CD34: variants seen among roughly 807,000 people sequenced by gnomAD.
CD34 encodes hematopoietic progenitor cell antigen CD34.
A neutral mutation model predicts 40.1 loss-of-function variants in CD34; 34 were observed. The ratio of observed to expected loss-of-function variants is 0.85; its 90% confidence interval spans 0.65 to 1.13. CD34 has a LOEUF of 1.13. CD34 is among the 50% of genes most tolerant of loss of function. The pLI, the probability that CD34 is intolerant of heterozygous loss-of-function variation, is 0.00. For missense variants in CD34, 426 were observed against 466.9 expected (o/e 0.91, Z 0.81); for synonymous variants, 209 against 190.0 (o/e 1.10, Z -0.82).
chr1:207,906,774 G>A (rs1325825714), intron 1 of CD34, among the ~76,000 whole-genome samples: 1 of 151,838 alleles, frequency 6.6e-6, no homozygotes, highest in Non-Finnish European at 1.5e-5. Context: ...AACCTGGGAG[G>A]CAGAGGTTGC....
chr1:207,894,827 G>A (rs928770631), intron 4 of CD34, among the ~76,000 whole-genome samples: 3 of 152,070 alleles, frequency 2.0e-5, no homozygotes, highest in Admixed American at 2.0e-4. Flanking sequence ...AAAAAAAAGA[G>A]TGATTGGGAT....
intron 4 of CD34, 108 bp downstream of exon 4, chr1:207,897,385 G>A (rs781364910): frequency 5.9e-5 from 48 of 809,186 alleles, no homozygotes; most frequent in Admixed American, 1.3e-4. Context: ...AAACTCCCCG[G>A]ACCCCTACTC....
At chr1:207,894,056 C>A (rs1662090908) in intron 4 of CD34, among the ~76,000 whole-genome samples, 2 of 152,102 alleles carry the variant, frequency 1.3e-5, no homozygotes, top group Non-Finnish European at 2.9e-5. Flanking sequence ...TTGGATATAT[C>A]CCCAAAAGGA....
At chr1:207,909,208 A>C (rs1662449372) in intron 1 of CD34, among the ~76,000 whole-genome samples, 1 of 152,154 alleles carries the variant, frequency 6.6e-6, no homozygotes, top group Non-Finnish European at 1.5e-5. Flanking sequence ...AGTTTTGCCA[A>C]GGTTGTGTTG....
Position 207,910,513 on chromosome 1 carries a change from G to T in CD34, c.79+489C>A, listed in dbSNP as rs961538896. 2.0e-4 allele frequency among the ~76,000 whole-genome samples: 31 copies of T among 152,144 alleles called. 1 individual carries two copies. The South Asian group carries it at 5.8e-3, about 29-fold the overall frequency. ...GCCTCATCCCTGATTCGCTTCCCTC[G>T]AATTCCTTAATGTCCACTTCTGGCT... On this transcript the variant is annotated intron_variant, in intron 1 of 7. Coordinates refer to ENST00000310833, the MANE Select transcript of CD34 (RefSeq NM_001025109.2).
chr1:207,889,903 T>C, intron 4 of CD34: 1 of 1,518,230 alleles, frequency 6.6e-7, no homozygotes. Context: ...GCATTGCCCA[T>C]GTACACATAT....
rs1049009381 is a variant in CD34 at position 207,884,781 on chromosome 1, C to A, written c.*2957G>T. 1 of 152,162 alleles carries A rather than the reference C, an allele frequency of 6.6e-6. No individual in the cohort carries two copies. Among genetic ancestry groups the A allele is most frequent in the Non-Finnish European group, 1.5e-5 (1 of 68,054 alleles). 9.4% of individuals were successfully genotyped at this position (152,162 alleles called of 1,614,324 possible). A position where few individuals can be genotyped will look rare whatever the true frequency, so the allele number is the denominator to read the frequency against. Reference sequence around the variant, plus strand: ...GGCTCACTGTGGGCGCCGAAGAAGCCGAACCTCATGGCCTCCTGTGATCTT... The same window carrying A: ...GGCTCACTGTGGGCGCCGAAGAAGCAGAACCTCATGGCCTCCTGTGATCTT... On this transcript the variant is annotated 3_prime_UTR_variant, in exon 8 of 8. Coordinates refer to ENST00000310833, the MANE Select transcript of CD34 (RefSeq NM_001025109.2).
intron 4 of CD34, among the ~76,000 whole-genome samples, chr1:207,895,928 TTTAAG>T (rs1445132790): frequency 6.6e-6 from 1 of 152,212 alleles, no homozygotes. Context: ...TATGTTCATG[TTTAAG>T]TTAACTATTT....
At chr1:207,888,950 G>A in intron 6 of CD34, 104 bp from the exon 7 acceptor site, 4 of 1,174,892 alleles carry the variant, frequency 3.4e-6, no homozygotes, top group Non-Finnish European at 4.9e-6. Flanking sequence ...GATGCTTGAG[G>A]GCATTGACCT....
In CD34 at chr1:207,899,126, G is replaced by A. The variant is rs1571774621; in HGVS notation, c.363C>T (p.Phe121=). The change falls in exon 3 of 8, where the codon TTC becomes TTT. Residue 121 remains phenylalanine (F), a synonymous_variant. Transcript: ENST00000310833. ...QSQTSVISTV[F]TTPANVSTPE... ...GAGTTGAAACGTTGGCTGGGGTGGT[G>A]AACACTGTGCTGATTACAGAGGTCT... 1 of 1,614,214 alleles carries A rather than the reference G, an allele frequency of 6.2e-7. No individual in the cohort carries two copies. The highest frequency in any genetic ancestry group is 8.5e-7 in the Non-Finnish European group (1 of 1,180,024).
At chr1:207,900,804 A>C (rs922131448) in intron 1 of CD34, among the ~76,000 whole-genome samples, 1 of 152,208 alleles carries the variant, frequency 6.6e-6, no homozygotes, top group Non-Finnish European at 1.5e-5. Context: ...TAATGCATGT[A>C]TGTATCTCAG....
intron 1 of CD34, among the ~76,000 whole-genome samples, chr1:207,910,317 G>A (rs756147046): frequency 1.3e-5 from 2 of 152,190 alleles, no homozygotes; most frequent in East Asian, 1.9e-4. Flanking sequence ...GAGGCTGGGC[G>A]CAGAGCAAAT....
Position 207,897,492 on chromosome 1 carries a change from C to G in CD34, c.597+1G>C. 6.4e-7 allele frequency: 1 copy of G among 1,556,028 alleles called. No individual in the cohort carries two copies. Among genetic ancestry groups the G allele is most frequent in the Non-Finnish European group, 8.7e-7 (1 of 1,148,016 alleles). ...AGAGGTTGGGTGGGGGGTTGACTTACACAGCTGGAGGTCTTATTTTGCTCC... is the reference window on the plus strand; with the variant it reads ...AGAGGTTGGGTGGGGGGTTGACTTAGACAGCTGGAGGTCTTATTTTGCTCC... On this transcript the variant is annotated splice_donor_variant, in intron 4 of 7. Transcript: ENST00000310833. LOFTEE classifies it high-confidence loss of function.
chr1:207,901,842 T>C (rs1662277626), intron 1 of CD34, among the ~76,000 whole-genome samples: 2 of 152,172 alleles, frequency 1.3e-5, no homozygotes, highest in African/African-American at 4.8e-5. Context: ...AGTTGCATCT[T>C]CAAGGAAGAG....
In CD34 at chr1:207,889,510, C is replaced by T. The variant is rs1260391772; in HGVS notation, c.709G>A (p.Glu237Lys). The T allele has an allele frequency of 6.2e-7, 1 of 1,614,136 alleles. No individual in the cohort carries two copies. Among genetic ancestry groups the T allele is most frequent in the African/African-American group, 1.3e-5 (1 of 75,058 alleles). The change falls in exon 5 of 8, where the codon GAG (glutamate) becomes AAG (lysine). Residue 237 changes from glutamate to lysine, a missense_variant. Glu to Lys is a moderately conservative substitution (Grantham distance 56, BLOSUM62 1). Coordinates refer to ENST00000310833, the MANE Select transcript of CD34 (RefSeq NM_001025109.2). ...QVCSLLLAQS[E>K]VRPQCLLLVL... is the part of the protein sequence containing the mutation. ...AGCAGTAGACACTGAGGCCTCACCT[C>T]AGACTGGGCAAGGAGCAGGGAGCAT... is the stretch of plus-strand genomic sequence containing the variant.
chr1:207,895,138 A>G (rs982937309), intron 4 of CD34, among the ~76,000 whole-genome samples: 1 of 152,166 alleles, frequency 6.6e-6, no homozygotes. Context: ...TACAAATCCA[A>G]CCTAAGGAAA....
intron 6 of CD34, 130 bp downstream of exon 6, chr1:207,889,031 A>C (rs1661971405): frequency 1.0e-5 from 9 of 877,708 alleles, no homozygotes; most frequent in Non-Finnish European, 1.7e-5. Flanking sequence ...TTTTGGTTCA[A>C]GACTAGAAAG....
chr1:207,905,328 G>T lies in CD34; in HGVS notation c.80-5325C>A, dbSNP rs372798922. On this transcript the variant is annotated intron_variant, in intron 1 of 7. Coordinates refer to ENST00000310833, the MANE Select transcript of CD34 (RefSeq NM_001025109.2). ...TTTTTGTATTTTTAGTAGAGACGGG[G>T]TTTAGCCATATTGGCCAAGCTGGTC... 1.5e-4 allele frequency among the ~76,000 whole-genome samples: 23 copies of T among 152,192 alleles called. No individual in the cohort carries two copies. The East Asian group carries it at 2.1e-3, about 14-fold the overall frequency.
Position 207,887,712 on chromosome 1 carries a change from G to A in CD34, c.*26C>T. ...AGAGAGGGGTGCTCTCTCGGACACT[G>A]CCCAGCCTTGCCCCACCTAGCCGAG... On this transcript the variant is annotated 3_prime_UTR_variant, in exon 8 of 8. Transcript: ENST00000310833. 1 of 1,613,840 alleles carries A rather than the reference G, an allele frequency of 6.2e-7. No individual in the cohort carries two copies. The highest frequency in any genetic ancestry group is 8.5e-7 in the Non-Finnish European group (1 of 1,179,840).
Sources: allele counts gnomAD v4.1 joint callset (sites outside exome capture counted in the v4.1 genomes callset), GRCh38; gene constraint gnomAD v4.1.1; transcripts MANE v1.5; gene names NCBI Gene and HGNC (gene_info 2026-07-23, HGNC 2026-07-21).